The following PCDH15 variants were observed in gnomAD, a reference collection of about 807,000 sequenced individuals.
The protein encoded by PCDH15 is protocadherin-15.
Under a neutral mutation model 178.5 loss-of-function variants are expected in PCDH15, and 129 were observed. The observed-to-expected ratio is 0.72, with a 90% CI of 0.63 to 0.84. PCDH15 has a LOEUF of 0.84. PCDH15 is among the 40% of genes least tolerant of loss of function. PCDH15 has a pLI of 0.00. For missense variants in PCDH15, 2,230 were observed against 2,099.9 expected (o/e 1.06, Z -1.21); for synonymous variants, 800 against 732.0 (o/e 1.09, Z -1.50).
At chr10:54,014,204 C>T (rs1408357802) in intron 20 of PCDH15, among the ~76,000 whole-genome samples, 2 of 152,058 alleles carry the variant, frequency 1.3e-5, no homozygotes, top group Non-Finnish European at 2.9e-5. Flanking sequence ...TTCAACCTCC[C>T]AAGTTTGTGT....
chr10:55,475,821 A>G (rs533147996), intron 2 of PCDH15, among the ~76,000 whole-genome samples: 1 of 152,228 alleles, frequency 6.6e-6, no homozygotes, highest in East Asian at 1.9e-4. Flanking sequence ...CTGAAATAAT[A>G]TGGTCCCAAA....
chr10:54,518,573 C>T (rs968122435), intron 3 of PCDH15, among the ~76,000 whole-genome samples: 2 of 152,128 alleles, frequency 1.3e-5, no homozygotes, highest in African/African-American at 2.4e-5. Context: ...TAATCAATAG[C>T]TTACCAACCA....
At chr10:55,418,625 C>G (rs1205979924) in intron 2 of PCDH15, among the ~76,000 whole-genome samples, 1 of 151,496 alleles carries the variant, frequency 6.6e-6, no homozygotes, top group African/African-American at 2.4e-5. Flanking sequence ...AACTCACAGG[C>G]AAGATGGGCC....
intron 18 of PCDH15, among the ~76,000 whole-genome samples, chr10:54,056,923 G>C (rs1421842409): frequency 6.6e-6 from 1 of 152,082 alleles, no homozygotes; most frequent in African/African-American, 2.4e-5. Context: ...AAACAAAAGG[G>C]CTACAGGCCC....
At chr10:54,888,789 C>CTTTTTTTT (rs59914980) in intron 3 of PCDH15, among the ~76,000 whole-genome samples, 3 of 110,162 alleles carry the variant, frequency 2.7e-5, no homozygotes, top group Non-Finnish European at 1.9e-5. Flanking sequence ...TTCATTTTTT[C>CTTTTTTTT]TTTTTTTTTT....
At chr10:54,941,080 G>A (rs1252402860) in intron 2 of PCDH15, among the ~76,000 whole-genome samples, 1 of 151,678 alleles carries the variant, frequency 6.6e-6, no homozygotes, top group Non-Finnish European at 1.5e-5. Flanking sequence ...GCTTTTTTGG[G>A]TCTTGTGTTC....
intron 2 of PCDH15, among the ~76,000 whole-genome samples, chr10:54,918,948 G>C (rs1837415270): frequency 6.6e-6 from 1 of 152,254 alleles, no homozygotes; most frequent in African/African-American, 2.4e-5. Flanking sequence ...GATTAGACTG[G>C]CTGGGTGGGA....
chr10:55,354,469 C>G (rs1027546958), intron 2 of PCDH15, among the ~76,000 whole-genome samples: 1 of 152,000 alleles, frequency 6.6e-6, no homozygotes, highest in Admixed American at 6.6e-5. Flanking sequence ...TTTGGGTTAC[C>G]GACGACCTCA....
chr10:55,187,298 T>C (rs933169096), intron 1 of PCDH15, among the ~76,000 whole-genome samples: 1 of 152,028 alleles, frequency 6.6e-6, no homozygotes, highest in African/African-American at 2.4e-5. Flanking sequence ...TGCATAACTA[T>C]CTCTATTTTT....
intron 2 of PCDH15, among the ~76,000 whole-genome samples, chr10:54,599,433 G>C (rs2092419030): frequency 6.6e-6 from 1 of 152,084 alleles, no homozygotes; most frequent in Admixed American, 6.6e-5. Flanking sequence ...AATAAATTGT[G>C]CTGGGATAAC....
At chr10:53,888,282 CTATATATACATA>C (rs2081243229) in intron 26 of PCDH15, among the ~76,000 whole-genome samples, 1 of 95,426 alleles carries the variant, frequency 1.0e-5, no homozygotes, top group African/African-American at 6.4e-5. Flanking sequence ...CATTCCAACA[CTATATATACATA>C]TATATATATA....
intron 2 of PCDH15, chr10:55,166,518 A>AT (rs1315023887): frequency 2.6e-5 from 4 of 152,148 alleles, no homozygotes; most frequent in African/African-American, 7.2e-5. Context: ...GATGTAATGT[A>AT]TTGTTATTCT....
Position 54,249,170 on chromosome 10 carries a change from T to C in PCDH15, c.877-12239A>G, listed in dbSNP as rs75623747. 3.9e-5 allele frequency among the ~76,000 whole-genome samples: 6 copies of C among 152,230 alleles called. No individual in the cohort carries two copies. The East Asian group carries it at 1.2e-3, about 29-fold the overall frequency. On this transcript the variant is annotated intron_variant, in intron 8 of 37. Transcript: ENST00000644397. ...TATATTGCTTGTCTAATTGTCCGTA[T>C]ATAAACACATGTAATATTTTACCAT...
At chr10:54,440,014 C>T (rs116612458) in intron 3 of PCDH15, among the ~76,000 whole-genome samples, 2,690 of 151,914 alleles carry the variant, frequency 0.018, 86 homozygotes, top group African/African-American at 0.061. Context: ...CCTGGTTGTT[C>T]TGAAAAATGA....
intron 29 of PCDH15, among the ~76,000 whole-genome samples, chr10:53,833,984 CAAT>C (rs952837129): frequency 6.6e-6 from 1 of 152,036 alleles, no homozygotes; most frequent in African/African-American, 2.4e-5. Flanking sequence ...ATATTAACAA[CAAT>C]AACTAATAAC....
At chr10:55,238,040 A>G (rs1298942053) in intron 1 of PCDH15, among the ~76,000 whole-genome samples, 1 of 152,090 alleles carries the variant, frequency 6.6e-6, no homozygotes, top group Non-Finnish European at 1.5e-5. Flanking sequence ...AGTGTGTTAA[A>G]CTGATAAACA....
chr10:54,826,981 C>T (rs1258633895), intron 3 of PCDH15, among the ~76,000 whole-genome samples: 2 of 152,058 alleles, frequency 1.3e-5, no homozygotes, highest in African/African-American at 2.4e-5. Flanking sequence ...TGAGATGAGA[C>T]ATATTTGTTT....
chr10:54,107,006 T>G (rs2094928422), intron 15 of PCDH15, among the ~76,000 whole-genome samples: 1 of 152,180 alleles, frequency 6.6e-6, no homozygotes, highest in African/African-American at 2.4e-5. Flanking sequence ...TTGGATACCT[T>G]GCCTATCTTC....
At chr10:54,431,164 T>C (rs1197025099) in intron 3 of PCDH15, among the ~76,000 whole-genome samples, 2 of 152,184 alleles carry the variant, frequency 1.3e-5, no homozygotes, top group Non-Finnish European at 2.9e-5. Flanking sequence ...GCTTCACTGC[T>C]GAATTCTACC....
Sources: gnomAD v4.1 joint callset for allele counts (sites outside exome capture counted in the v4.1 genomes callset) on GRCh38, gnomAD v4.1.1 for gene constraint, MANE v1.5 for transcripts, NCBI Gene and HGNC (gene_info 2026-07-23, HGNC 2026-07-21) for gene names.